Variants in EFCAB11 observed in about 807,000 individuals in gnomAD.
EFCAB11 encodes the protein EF-hand calcium binding domain 11.
A neutral mutation model predicts 23.0 loss-of-function variants in EFCAB11; 14 were observed. The observed-to-expected ratio is 0.61, with a 90% CI of 0.40 to 0.95. The LOEUF (loss-of-function observed/expected upper bound fraction) is 0.95. EFCAB11 is among the 40% of genes least tolerant of loss of function. The pLI is 0.00. For synonymous variants in EFCAB11, 65 were observed against 66.6 expected (o/e 0.98, Z 0.11); for missense variants, 198 against 195.8 (o/e 1.01, Z -0.07).
At chr14:89,924,681 A>G in intron 5 of EFCAB11, 1 of 1,535,788 alleles carries the variant, frequency 6.5e-7, no homozygotes, top group Non-Finnish European at 8.7e-7. Flanking sequence ...AATGCCTCTG[A>G]AATAAAGCAA....
At chr14:89,890,217 C>A (rs1050408448) in intron 5 of EFCAB11, among the ~76,000 whole-genome samples, 5 of 152,120 alleles carry the variant, frequency 3.3e-5, no homozygotes, top group African/African-American at 1.2e-4. Flanking sequence ...TGTTAAGCTT[C>A]AATGACATGA....
intron 5 of EFCAB11, among the ~76,000 whole-genome samples, chr14:89,874,668 T>C (rs572562420): frequency 6.6e-6 from 1 of 151,908 alleles, no homozygotes; most frequent in Non-Finnish European, 1.5e-5. Flanking sequence ...GAGGCCAAGG[T>C]GGGTGGATCA....
At chr14:89,951,689 C>T (rs1246811912) in intron 2 of EFCAB11, among the ~76,000 whole-genome samples, 1 of 151,396 alleles carries the variant, frequency 6.6e-6, no homozygotes, top group Admixed American at 6.6e-5. Flanking sequence ...GGGCGGATCA[C>T]TTGAGGTCAG....
chr14:89,931,929 C>T (rs73322698), intron 4 of EFCAB11, among the ~76,000 whole-genome samples: 3,830 of 152,240 alleles, frequency 0.025, 184 homozygotes, highest in African/African-American at 0.086. Flanking sequence ...ACTCTAACAA[C>T]GGTGTTAGAC....
At chr14:89,838,668 A>G (rs1441990268) in intron 5 of EFCAB11, among the ~76,000 whole-genome samples, 1 of 152,212 alleles carries the variant, frequency 6.6e-6, no homozygotes, top group Non-Finnish European at 1.5e-5. Context: ...GCAGATTGGG[A>G]ATACAAACGC....
Position 89,822,483 on chromosome 14 carries a change from GGTCCTCCC to G in EFCAB11, c.411-25167_411-25160del, listed in dbSNP as rs1451000173. ...AAATTTTCAGCACCTAGGTTGGATT[GGTCCTCCC>G]ACCCCACCCTTGGCACTCCACTGGT... is the stretch of plus-strand genomic sequence containing the variant. On this transcript the variant is annotated intron_variant, in intron 5 of 5. Coordinates refer to ENST00000316738, the MANE Select transcript of EFCAB11 (RefSeq NM_145231.4). Among the ~76,000 whole-genome samples the G allele has an allele frequency of 2.6e-5, 4 of 152,264 alleles. No individual in the cohort carries two copies. In the East Asian group the frequency reaches 7.7e-4, roughly 29 times the overall value.
intron 5 of EFCAB11, among the ~76,000 whole-genome samples, chr14:89,842,046 C>T (rs766424534): frequency 6.6e-6 from 1 of 152,142 alleles, no homozygotes; most frequent in African/African-American, 2.4e-5. Context: ...ATCATGACTC[C>T]CAGGTGCTGA....
chr14:89,947,191 T>C (rs1891015206), intron 3 of EFCAB11, among the ~76,000 whole-genome samples: 2 of 152,202 alleles, frequency 1.3e-5, no homozygotes. Flanking sequence ...GAGAGTAAGC[T>C]ATTCTCTGTA....
intron 5 of EFCAB11, among the ~76,000 whole-genome samples, chr14:89,878,378 A>C (rs1888505653): frequency 6.6e-6 from 1 of 152,188 alleles, no homozygotes; most frequent in Admixed American, 6.5e-5. Context: ...GCTATTATTT[A>C]TATAAAGGTA....
At position 89,931,570 on chromosome 14, in the gene EFCAB11, T is replaced by G; in HGVS notation, c.381A>C (p.Leu127Phe). The G allele has an allele frequency of 6.2e-7, 1 of 1,614,198 alleles. No individual in the cohort carries two copies. The highest frequency in any genetic ancestry group is 8.5e-7 in the Non-Finnish European group (1 of 1,180,026). ...ATACCTCAAGAACAGTCCTTTCCGG[T>G]AATTTGGGAGCCACCTGCCTAAATG... Reference protein sequence around the residue: ...KKAFRQVAPKLPERTVLEVFR... With the variant: ...KKAFRQVAPKFPERTVLEVFR... Residue 127 changes from leucine to phenylalanine, a missense_variant, in exon 5 of 6, where the codon TTA becomes TTC. Coordinates refer to ENST00000316738, the MANE Select transcript of EFCAB11 (RefSeq NM_145231.4).
chr14:89,926,798 GT>G (rs2139798380), intron 5 of EFCAB11, among the ~76,000 whole-genome samples: 2 of 152,272 alleles, frequency 1.3e-5, no homozygotes, highest in Non-Finnish European at 2.9e-5. Context: ...ATGAAAGACA[GT>G]GGGGAATATA....
At chr14:89,910,041 T>A (rs1889624370) in intron 5 of EFCAB11, among the ~76,000 whole-genome samples, 1 of 152,222 alleles carries the variant, frequency 6.6e-6, no homozygotes, top group Non-Finnish European at 1.5e-5. Context: ...ACCACCTACA[T>A]CCTCAACTAG....
At chr14:89,823,089 G>C (rs1187673868) in intron 5 of EFCAB11, among the ~76,000 whole-genome samples, 1 of 152,100 alleles carries the variant, frequency 6.6e-6, no homozygotes, top group East Asian at 1.9e-4. Context: ...ATATTACCCA[G>C]GTGGGACTAA....
At chr14:89,941,080 C>G (rs981242435) in intron 3 of EFCAB11, among the ~76,000 whole-genome samples, 1 of 152,206 alleles carries the variant, frequency 6.6e-6, no homozygotes, top group South Asian at 2.1e-4. Context: ...ATTTATTGAA[C>G]AGCTCATCGA....
intron 5 of EFCAB11, among the ~76,000 whole-genome samples, chr14:89,860,150 G>C (rs1222269214): frequency 2.0e-5 from 3 of 152,136 alleles, no homozygotes; most frequent in Non-Finnish European, 4.4e-5. Context: ...GATCACCTGA[G>C]ATCAGGAGTT....
At chr14:89,824,385 T>C (rs1037966545) in intron 5 of EFCAB11, among the ~76,000 whole-genome samples, 1 of 151,986 alleles carries the variant, frequency 6.6e-6, no homozygotes, top group African/African-American at 2.4e-5. Context: ...GGAAGTTCCT[T>C]AGGCTTATGG....
chr14:89,836,489 T>A, intron 5 of EFCAB11: 2 of 450,700 alleles, frequency 4.4e-6, no homozygotes, highest in South Asian at 3.1e-5. Context: ...GGATTAAGCA[T>A]GGATGTTGGG....
chr14:89,833,939 C>T (rs1212985218), intron 5 of EFCAB11, among the ~76,000 whole-genome samples: 1 of 152,176 alleles, frequency 6.6e-6, no homozygotes, highest in Non-Finnish European at 1.5e-5. Flanking sequence ...AGCTACACCA[C>T]TTCTGTTGCT....
chr14:89,891,158 T>G (rs568893201), intron 5 of EFCAB11, among the ~76,000 whole-genome samples: 1 of 152,350 alleles, frequency 6.6e-6, no homozygotes, highest in Non-Finnish European at 1.5e-5. Flanking sequence ...GATTTCATCC[T>G]GGACTTGTGG....
Sources: gnomAD v4.1 joint callset for allele counts (sites outside exome capture counted in the v4.1 genomes callset) on GRCh38, gnomAD v4.1.1 for gene constraint, MANE v1.5 for transcripts, NCBI Gene and HGNC (gene_info 2026-07-23, HGNC 2026-07-21) for gene names.